The following COL27A1 variants were observed in gnomAD, a reference collection of about 807,000 sequenced individuals.
COL27A1 encodes the protein collagen type XXVII alpha 1 chain.
A neutral mutation model predicts 251.3 loss-of-function variants in COL27A1; 106 were observed. The observed-to-expected ratio is 0.42, with a 90% confidence interval of 0.36 to 0.50. The LOEUF is 0.50. Among genes scored for constraint, COL27A1 ranks in the 20% least tolerant of loss-of-function variants. COL27A1 has a pLI of 0.00. For missense variants in COL27A1, 2,325 were observed against 2,522.8 expected (o/e 0.92, Z 1.68); for synonymous variants, 1,000 against 986.3 (o/e 1.01, Z -0.26).
intron 14 of COL27A1, among the ~76,000 whole-genome samples, chr9:114,223,482 TG>T (rs1421501125): frequency 6.6e-6 from 1 of 151,958 alleles, no homozygotes; most frequent in African/African-American, 2.4e-5. Flanking sequence ...CTGGGTGGGG[TG>T]GGCAGGAGGT....
In COL27A1 at chr9:114,301,054, C is replaced by T. The variant is rs755869807; in HGVS notation, c.4702-18C>T. ...AGGCCCTGGAACAAGGACACATGAG[C>T]CTTTCTGTCTCCTTTAGGGAAAGGA... On this transcript the variant is annotated intron_variant, in intron 51 of 60. Transcript: ENST00000356083. 5.0e-6 allele frequency: 8 copies of T among 1,593,650 alleles called. No individual in the cohort carries two copies. The highest frequency in any genetic ancestry group is 8.5e-7 in the Non-Finnish European group (1 of 1,170,142).
intron 49 of COL27A1, among the ~76,000 whole-genome samples, chr9:114,295,328 T>C (rs1003738383): frequency 2.6e-5 from 4 of 152,232 alleles, no homozygotes; most frequent in Admixed American, 2.6e-4. Context: ...TGTGTGCATA[T>C]TTCAAAAGAC....
At chr9:114,159,659 A>G (rs1049863072) in intron 1 of COL27A1, among the ~76,000 whole-genome samples, 1 of 152,210 alleles carries the variant, frequency 6.6e-6, no homozygotes, top group African/African-American at 2.4e-5. Flanking sequence ...CCTTTGATAT[A>G]CAGTTGTGCT....
At chr9:114,184,122 G>C (rs549276370) in intron 5 of COL27A1, among the ~76,000 whole-genome samples, 84 of 5,054 alleles carry the variant, frequency 0.017, no homozygotes, top group African/African-American at 0.037. Flanking sequence ...GAGCTGTGGA[G>C]GGGGCAGATG....
At chr9:114,299,743 A>G (rs996827314) in intron 49 of COL27A1, among the ~76,000 whole-genome samples, 1 of 152,136 alleles carries the variant, frequency 6.6e-6, no homozygotes, top group Non-Finnish European at 1.5e-5. Flanking sequence ...AGCTTTTCAG[A>G]GCTGTGGGAG....
chr9:114,253,656 G>A (rs1833728050), intron 27 of COL27A1, among the ~76,000 whole-genome samples: 1 of 152,094 alleles, frequency 6.6e-6, no homozygotes, highest in South Asian at 2.1e-4. Flanking sequence ...TATTCCTGGG[G>A]CAGATCATTT....
intron 35 of COL27A1, among the ~76,000 whole-genome samples, chr9:114,270,310 C>A (rs1835053074): frequency 6.6e-6 from 1 of 152,200 alleles, no homozygotes; most frequent in African/African-American, 2.4e-5. Context: ...AATGAGAAAC[C>A]AAGAAGTAGC....
Position 114,242,169 on chromosome 9 carries a change from C to T in COL27A1, c.2836-18C>T, listed in dbSNP as rs1294256275. 1.1e-5 allele frequency: 18 copies of T among 1,588,550 alleles called. No homozygotes were observed. The highest frequency in any genetic ancestry group is 1.7e-4 in the Middle Eastern group (1 of 5,924). On this transcript the variant is annotated intron_variant, in intron 21 of 60. Coordinates refer to ENST00000356083, the MANE Select transcript of COL27A1 (RefSeq NM_032888.4). ...TTAACTTTCTCCTTTTTTCCTCTCT[C>T]GTGTCTCCCAATTCTAGGGAGATGA... is the stretch of plus-strand genomic sequence containing the variant.
chr9:114,290,150 G>GGCCCCCCCCCC lies in COL27A1; in HGVS notation c.4260+39_4260+40insGCCCCCCCCCC. The GGCCCCCCCCCC allele has an allele frequency of 2.5e-6, 4 of 1,593,502 alleles. No individual in the cohort carries two copies. Among genetic ancestry groups the GGCCCCCCCCCC allele is most frequent in the East Asian group, 2.3e-5 (1 of 44,430 alleles). The stretch of plus-strand genomic sequence containing the variant: ...GCTGCTGTTTCCAGCCAACCTCCCT[G>GGCCCCCCCCCC]CCCGCCCCCCACACCCGCCCTCCTC... On this transcript the variant is annotated intron_variant, in intron 46 of 60. Coordinates refer to ENST00000356083, the MANE Select transcript of COL27A1 (RefSeq NM_032888.4). This position sits in a 1 kb window ranked among gnomAD's most constrained non-coding sequence, Gnocchi z 4.6.
chr9:114,197,566 A>G (rs1317326969), intron 7 of COL27A1, among the ~76,000 whole-genome samples: 1 of 152,068 alleles, frequency 6.6e-6, no homozygotes, highest in South Asian at 2.1e-4. Flanking sequence ...CTTGTTCTGC[A>G]TGGGGGTGGC....
intron 2 of COL27A1, among the ~76,000 whole-genome samples, chr9:114,164,373 A>G (rs1482981496): frequency 1.3e-5 from 2 of 152,224 alleles, no homozygotes; most frequent in Non-Finnish European, 2.9e-5. Flanking sequence ...GACTCATAGC[A>G]GCTCTGTGCT....
rs888618980 is a variant in COL27A1, at chr9:114,219,720, T to C, written c.2368-71T>C. 2.5e-5 allele frequency: 27 copies of C among 1,076,616 alleles called. No homozygotes were observed. The Admixed American group carries it at 4.6e-4, about 18-fold the overall frequency. The allele number at this position is 1,076,616 out of a possible 1,614,324, so 66.7% of individuals were successfully genotyped here. A position where few individuals can be genotyped will look rare whatever the true frequency, so the allele number is the denominator to read the frequency against. On this transcript the variant is annotated intron_variant, in intron 12 of 60. Transcript: ENST00000356083. Reference sequence around the variant, plus strand: ...ATTGTCCTTGTGTCCCCCCTGGGGGTCTGGATCAAAGCCCACCCTGAAGGT... The same window carrying C: ...ATTGTCCTTGTGTCCCCCCTGGGGGCCTGGATCAAAGCCCACCCTGAAGGT...
At chr9:114,269,426 A>G in intron 35 of COL27A1, 132 bp downstream of exon 35, 1 of 578,842 alleles carries the variant, frequency 1.7e-6, no homozygotes, top group Non-Finnish European at 3.0e-6. Flanking sequence ...GAATGTCTAC[A>G]GCCTCGCCCA....
chr9:114,156,978 G>C (rs1848161437), intron 1 of COL27A1, among the ~76,000 whole-genome samples: 1 of 151,966 alleles, frequency 6.6e-6, no homozygotes, highest in Admixed American at 6.5e-5. Context: ...TGCCCCCTTT[G>C]AGCTGGAGTC....
At chr9:114,253,822 A>T (rs555769831) in intron 27 of COL27A1, among the ~76,000 whole-genome samples, 1 of 152,296 alleles carries the variant, frequency 6.6e-6, no homozygotes, top group South Asian at 2.1e-4. Context: ...TAGCAGCATT[A>T]TTGCTTTTGT....
At position 114,311,048 on chromosome 9, in the gene COL27A1, G is replaced by T. The variant is rs975898507; in HGVS notation, c.*353G>T. On this transcript the variant is annotated 3_prime_UTR_variant, in exon 61 of 61. Transcript: ENST00000356083. ...CATTCAAGCCAACTTGAGGGAAGGGGGCGTCTCGTCAGCTGGTCCCTGCTA... is the reference window on the plus strand; with the variant it reads ...CATTCAAGCCAACTTGAGGGAAGGGTGCGTCTCGTCAGCTGGTCCCTGCTA... The T allele has an allele frequency of 1.7e-5, 4 of 237,668 alleles. No individual in the cohort carries two copies. Among genetic ancestry groups the T allele is most frequent in the African/African-American group, 8.9e-5 (4 of 45,134 alleles). The allele number at this position is 237,668 out of a possible 1,614,324, so 14.7% of individuals were successfully genotyped here. A position where few individuals can be genotyped will look rare whatever the true frequency, so the allele number is the denominator to read the frequency against.
At chr9:114,183,565 A>C (rs1471510747) in intron 5 of COL27A1, among the ~76,000 whole-genome samples, 1 of 152,022 alleles carries the variant, frequency 6.6e-6, no homozygotes, top group Non-Finnish European at 1.5e-5. Context: ...GGGGTGTGGG[A>C]GGAGGTAGGG....
intron 7 of COL27A1, among the ~76,000 whole-genome samples, chr9:114,200,684 G>T (rs1829501354): frequency 1.3e-5 from 2 of 152,218 alleles, no homozygotes; most frequent in Admixed American, 1.3e-4. Context: ...CACTTGGAGA[G>T]GCCAGCTGGG....
chr9:114,188,380 C>T (rs1828531108), intron 5 of COL27A1, among the ~76,000 whole-genome samples: 2 of 152,130 alleles, frequency 1.3e-5, no homozygotes, highest in Non-Finnish European at 2.9e-5. Flanking sequence ...CCAAGCCCTG[C>T]CTCCAGAGTC....
Sources: allele counts gnomAD v4.1 joint callset (sites outside exome capture counted in the v4.1 genomes callset), GRCh38; gene constraint gnomAD v4.1.1; non-coding constraint Gnocchi (gnomAD v3.1); transcripts MANE v1.5; gene names NCBI Gene and HGNC (gene_info 2026-07-23, HGNC 2026-07-21).